INTS10: variants seen among roughly 807,000 people sequenced by gnomAD.
INTS10 encodes integrator complex subunit 10.
Under a neutral mutation model 94.4 loss-of-function variants are expected in INTS10, and 44 were observed. The observed-to-expected ratio is 0.47, with a 90% CI of 0.37 to 0.60. INTS10 has a LOEUF of 0.60. INTS10 is among the 20% of genes least tolerant of loss of function. The pLI, the probability that INTS10 is intolerant of heterozygous loss-of-function variation, is 0.00. For synonymous variants in INTS10, 341 were observed against 320.7 expected (o/e 1.06, Z -0.68); for missense variants, 797 against 868.7 (o/e 0.92, Z 1.04).
intron 5 of INTS10, 33 bp downstream of exon 5, chr8:19,822,553 G>A (rs1563339306): frequency 7.6e-7 from 1 of 1,317,424 alleles, no homozygotes; most frequent in Admixed American, 1.7e-5. Flanking sequence ...TTACTTCTAT[G>A]GTAAATTAAT....
intron 13 of INTS10, among the ~76,000 whole-genome samples, chr8:19,838,933 C>G (rs1375810015): frequency 6.6e-6 from 1 of 151,806 alleles, no homozygotes; most frequent in Non-Finnish European, 1.5e-5. Flanking sequence ...TTAGCCAGGC[C>G]TGGTGGCAGG....
intron 13 of INTS10, chr8:19,841,771 G>A (rs891667268): frequency 1.8e-4 from 81 of 450,482 alleles, no homozygotes; most frequent in Admixed American, 1.2e-3. Context: ...TGTACCTCGC[G>A]TCCTAGTTGT....
intron 12 of INTS10, among the ~76,000 whole-genome samples, chr8:19,836,535 C>T (rs1052829602): frequency 1.3e-5 from 2 of 152,234 alleles, no homozygotes; most frequent in East Asian, 3.9e-4. Flanking sequence ...TGAAAGGCGT[C>T]TTTTCTGCAT....
intron 4 of INTS10, chr8:19,822,181 T>C: frequency 3.7e-6 from 1 of 270,046 alleles, no homozygotes; most frequent in Non-Finnish European, 7.0e-6. Flanking sequence ...TTAATTCTTG[T>C]TCATCGTTAA....
chr8:19,827,737 T>C (rs1458133369), intron 9 of INTS10, among the ~76,000 whole-genome samples: 1 of 152,156 alleles, frequency 6.6e-6, no homozygotes, highest in Non-Finnish European at 1.5e-5. Context: ...TTCTACCCAA[T>C]GCGGAATTTC....
intron 9 of INTS10, among the ~76,000 whole-genome samples, chr8:19,827,025 T>TG (rs1477004686): frequency 6.6e-6 from 1 of 152,170 alleles, no homozygotes; most frequent in Non-Finnish European, 1.5e-5. Context: ...TATGGGCAGA[T>TG]GCAGAAAAGA....
chr8:19,823,212 A>T (rs777634370), intron 5 of INTS10, 89 bp from the exon 6 acceptor site: 2 of 990,584 alleles, frequency 2.0e-6, no homozygotes, highest in African/African-American at 3.3e-5. Context: ...TAGATACTAC[A>T]TCAAATGAAC....
rs2066106060 is a variant in INTS10, at chr8:19,818,361, A to G, written c.197+19A>G. 1 of 1,612,216 alleles carries G rather than the reference A, an allele frequency of 6.2e-7. No homozygotes were observed. Among genetic ancestry groups the G allele is most frequent in the Non-Finnish European group, 8.5e-7 (1 of 1,178,930 alleles). ...ACGACATGTGAGTGGGACGCTTGAC[A>G]TCACTTTTACTGCACTGAATCTCTC... On this transcript the variant is annotated intron_variant, in intron 2 of 16. Transcript: ENST00000397977.
intron 9 of INTS10, among the ~76,000 whole-genome samples, chr8:19,827,059 G>C (rs1022971239): frequency 6.6e-6 from 1 of 152,184 alleles, no homozygotes; most frequent in African/African-American, 2.4e-5. Context: ...GTCAACATTT[G>C]AAATCAGTGC....
chr8:19,819,508 G>C, intron 2 of INTS10, 65 bp from the exon 3 acceptor site: 1 of 1,267,810 alleles, frequency 7.9e-7, no homozygotes, highest in Non-Finnish European at 1.1e-6. Context: ...AAATGCTAAC[G>C]TTTTTTCTTT....
At chr8:19,827,316 G>A (rs560357306) in intron 9 of INTS10, among the ~76,000 whole-genome samples, 3 of 152,242 alleles carry the variant, frequency 2.0e-5, no homozygotes, top group African/African-American at 2.4e-5. Context: ...CAGCCCAAAC[G>A]AGTCTCCCTC....
intron 3 of INTS10, 66 bp from the exon 4 acceptor site, chr8:19,820,313 C>T (rs2066270913): frequency 2.0e-6 from 3 of 1,506,440 alleles, no homozygotes; most frequent in Non-Finnish European, 1.8e-6. Flanking sequence ...ATGCCTTACT[C>T]AGCACTGTTG....
intron 13 of INTS10, among the ~76,000 whole-genome samples, chr8:19,842,289 G>GT (rs1285275468): frequency 3.3e-5 from 5 of 152,242 alleles, no homozygotes; most frequent in African/African-American, 1.2e-4. Context: ...ATGAAGTTGA[G>GT]TAAAAAAAGC....
intron 1 of INTS10, among the ~76,000 whole-genome samples, chr8:19,817,953 C>T (rs1256440506): frequency 6.6e-6 from 1 of 152,210 alleles, no homozygotes; most frequent in Non-Finnish European, 1.5e-5. Flanking sequence ...GCTCAGCGTG[C>T]CATCTGGCCT....
At position 19,840,550 on chromosome 8, in the gene INTS10, A is replaced by G. The variant is rs556777334; in HGVS notation, c.1640-2298A>G. Among the ~76,000 whole-genome samples, 23 of 152,364 alleles carry G rather than the reference A, an allele frequency of 1.5e-4. No individual in the cohort carries two copies. The South Asian group carries it at 4.6e-3, about 30-fold the overall frequency. On this transcript the variant is annotated intron_variant, in intron 13 of 16. Coordinates refer to ENST00000397977, the MANE Select transcript of INTS10 (RefSeq NM_018142.4). ...TACATAATAACAAGACTTAATATAC[A>G]AGCATAATAATCAAGACAGAGTTGA...
intron 13 of INTS10, among the ~76,000 whole-genome samples, chr8:19,840,827 C>T (rs2068072225): frequency 6.6e-6 from 1 of 152,088 alleles, no homozygotes; most frequent in Non-Finnish European, 1.5e-5. Flanking sequence ...AAACTCATGA[C>T]CCTGTAGATG....
At chr8:19,841,212 C>T (rs551531627) in intron 13 of INTS10, among the ~76,000 whole-genome samples, 5 of 152,192 alleles carry the variant, frequency 3.3e-5, no homozygotes, top group Non-Finnish European at 7.3e-5. Flanking sequence ...TCCCCTCCTT[C>T]ACACTACATA....
At chr8:19,832,294 G>A (rs533357032) in intron 11 of INTS10, among the ~76,000 whole-genome samples, 184 bp downstream of exon 11, 5 of 152,290 alleles carry the variant, frequency 3.3e-5, no homozygotes, top group South Asian at 2.1e-4. Flanking sequence ...ACTATCGGCC[G>A]GGTGTCGTGG....
At chr8:19,824,127 T>A in intron 7 of INTS10, 83 bp downstream of exon 7, 1 of 1,245,542 alleles carries the variant, frequency 8.0e-7, no homozygotes, top group Non-Finnish European at 1.1e-6. Flanking sequence ...TAAATCTGTG[T>A]AATGCGTAGG....
Sources: allele counts gnomAD v4.1 joint callset (sites outside exome capture counted in the v4.1 genomes callset), GRCh38; gene constraint gnomAD v4.1.1; transcripts MANE v1.5; gene names NCBI Gene and HGNC (gene_info 2026-07-23, HGNC 2026-07-21).